CLN8: variants seen among roughly 807,000 people sequenced by gnomAD.
CLN8 encodes CLN8 transmembrane ER and ERGIC protein, also known as protein CLN8.
CLN8 carries 14 observed loss-of-function variants against 15.7 expected under a neutral mutation model. That is an observed-to-expected ratio of 0.89 (90% CI 0.59 to 1.39). CLN8 has a LOEUF of 1.39. Among genes scored for constraint, CLN8 ranks in the 40% most tolerant of loss-of-function variants. The probability of loss-of-function intolerance (pLI) is 0.00; values close to 1 mark genes in which losing one functional copy is unlikely to be tolerated. For synonymous variants in CLN8, 188 were observed against 151.0 expected (o/e 1.25, Z -1.80); for missense variants, 415 against 364.0 (o/e 1.14, Z -1.14).
Position 1,771,457 on chromosome 8 carries a change from C to A in CLN8, c.403C>A (p.Leu135Met). 6.2e-7 allele frequency: 1 copy of A among 1,614,200 alleles called. No homozygotes were observed. The highest frequency in any genetic ancestry group is 8.5e-7 in the Non-Finnish European group (1 of 1,180,034). ...NLIFRTFDLFLVIHHLFAFLG... is the reference protein window; with the variant it reads ...NLIFRTFDLFMVIHHLFAFLG... ...GATCTTCCGGACATTTGACTTGTTT[C>A]TGGTTATCCACCATCTCTTTGCCTT... is the stretch of plus-strand genomic sequence containing the variant. Residue 135 changes from leucine (L) to methionine (M), a missense_variant, in exon 2 of 3, where the codon CTG becomes ATG. Leu to Met is a conservative substitution (Grantham distance 15). Transcript: ENST00000331222.
chr8:1,766,612 C>G (rs530619532), intron 1 of CLN8, among the ~76,000 whole-genome samples: 2 of 151,984 alleles, frequency 1.3e-5, no homozygotes, highest in Admixed American at 6.6e-5. Flanking sequence ...AGGATGGTCT[C>G]GATCTCCTGA....
chr8:1,778,486 T>C (rs928957092), intron 2 of CLN8, among the ~76,000 whole-genome samples: 3 of 152,216 alleles, frequency 2.0e-5, no homozygotes, highest in African/African-American at 4.8e-5. Flanking sequence ...CTTCCTCTGC[T>C]CTTCTTCCTG....
chr8:1,777,432 T>C (rs1255845318), intron 2 of CLN8, among the ~76,000 whole-genome samples: 4 of 152,162 alleles, frequency 2.6e-5, no homozygotes, highest in Admixed American at 2.0e-4. Context: ...GCTAAATTTA[T>C]ATAAAAAAAT....
chr8:1,778,333 A>C (rs1185048646), intron 2 of CLN8, among the ~76,000 whole-genome samples: 1 of 152,250 alleles, frequency 6.6e-6, no homozygotes, highest in Non-Finnish European at 1.5e-5. Context: ...AGTAAGAAAT[A>C]AGTTATAGTA....
At chr8:1,778,615 A>C (rs1801603318) in intron 2 of CLN8, among the ~76,000 whole-genome samples, 1 of 152,166 alleles carries the variant, frequency 6.6e-6, no homozygotes, top group Non-Finnish European at 1.5e-5. Context: ...GGGGTGAACT[A>C]AGTGCTTGGT....
intron 2 of CLN8, among the ~76,000 whole-genome samples, chr8:1,771,901 A>C (rs1023926217): frequency 6.6e-6 from 1 of 150,770 alleles, no homozygotes; most frequent in Non-Finnish European, 1.5e-5. Flanking sequence ...GTCTGGAAGC[A>C]CTTAATTTTT....
intron 1 of CLN8, 186 bp downstream of exon 1, chr8:1,764,071 G>C (rs1037641080): frequency 2.0e-5 from 3 of 152,506 alleles, no homozygotes; most frequent in Admixed American, 2.0e-4. Context: ...CAGGTGAGGG[G>C]CCGGGAACTC....
intron 1 of CLN8, among the ~76,000 whole-genome samples, chr8:1,757,523 C>A (rs570926272): frequency 6.6e-6 from 1 of 152,196 alleles, no homozygotes; most frequent in Non-Finnish European, 1.5e-5. Context: ...TCACTGCAAC[C>A]TCTGCCTCCC....
At chr8:1,758,088 A>C (rs890351793) in intron 1 of CLN8, 1 of 152,108 alleles carries the variant, frequency 6.6e-6, no homozygotes, top group Non-Finnish European at 1.5e-5. Flanking sequence ...CGATATCCCG[A>C]GTGTCCCGCA....
chr8:1,780,214 C>A (rs939459605), intron 2 of CLN8, 36 bp from the exon 3 acceptor site: 3 of 1,614,194 alleles, frequency 1.9e-6, no homozygotes, highest in Non-Finnish European at 1.7e-6. Flanking sequence ...TTGGCAGTTT[C>A]GCATTGACTT....
intron 1 of CLN8, among the ~76,000 whole-genome samples, chr8:1,757,849 G>A (rs1157161936): frequency 3.9e-5 from 6 of 152,038 alleles, no homozygotes; most frequent in African/African-American, 9.7e-5. Context: ...ATTATCTCGG[G>A]GTTATCATTT....
Position 1,771,446 on chromosome 8 carries a change from T to G in CLN8, c.392T>G (p.Phe131Cys), listed in dbSNP as rs1404214432. Residue 131 changes from phenylalanine to cysteine, a missense_variant, in exon 2 of 3, where the codon TTT (phenylalanine) becomes TGT (cysteine). Phe to Cys is a radical substitution (Grantham distance 205, BLOSUM62 -2). Transcript: ENST00000331222. ...VHLSNLIFRT[F>C]DLFLVIHHLF... ...CTGTCCAACTTGATCTTCCGGACAT[T>G]TGACTTGTTTCTGGTTATCCACCAT... The G allele has an allele frequency of 6.2e-7, 1 of 1,614,218 alleles. No homozygotes were observed. Among genetic ancestry groups the G allele is most frequent in the Admixed American group, 1.7e-5 (1 of 60,024 alleles).
upstream of CLN8, among the ~76,000 whole-genome samples, chr8:1,754,861 G>T (rs923962273): frequency 6.6e-6 from 1 of 152,182 alleles, no homozygotes; most frequent in African/African-American, 2.4e-5. Flanking sequence ...GTGCCCTGGG[G>T]TCAAACAGGC....
upstream of CLN8, among the ~76,000 whole-genome samples, chr8:1,754,003 T>G (rs1195641320): frequency 1.3e-5 from 2 of 152,216 alleles, no homozygotes; most frequent in Non-Finnish European, 2.9e-5. Flanking sequence ...GGATAAGCTG[T>G]GAGTCTGCCT....
chr8:1,772,769 C>T (rs1801366206), intron 2 of CLN8, among the ~76,000 whole-genome samples: 2 of 152,176 alleles, frequency 1.3e-5, no homozygotes, highest in South Asian at 2.1e-4. Context: ...CATGAGCCAC[C>T]GTGCACAGCC....
intron 1 of CLN8, among the ~76,000 whole-genome samples, chr8:1,769,294 C>A (rs1470290396): frequency 6.6e-6 from 1 of 152,152 alleles, no homozygotes; most frequent in African/African-American, 2.4e-5. Context: ...TTTTCCATGT[C>A]CTTGGGGTGT....
upstream of CLN8, among the ~76,000 whole-genome samples, chr8:1,755,441 T>C (rs1800647849): frequency 6.6e-6 from 1 of 151,994 alleles, no homozygotes; most frequent in Non-Finnish European, 1.5e-5. Context: ...CACAGACCCC[T>C]CCCCACCTTT....
upstream of CLN8, chr8:1,763,098 A>C (rs1182374755): frequency 6.6e-6 from 1 of 152,166 alleles, no homozygotes; most frequent in Non-Finnish European, 1.5e-5. Flanking sequence ...CGCTCGGTCA[A>C]GACTTGAAGG....
chr8:1,763,040 A>G (rs1326573128), upstream of CLN8: 1 of 152,044 alleles, frequency 6.6e-6, no homozygotes, highest in African/African-American at 2.4e-5. Context: ...AACTGCGGAA[A>G]CTCCTACAGA....
Sources: allele counts gnomAD v4.1 joint callset (sites outside exome capture counted in the v4.1 genomes callset), GRCh38; gene constraint gnomAD v4.1.1; transcripts MANE v1.5; gene names NCBI Gene and HGNC (gene_info 2026-07-23, HGNC 2026-07-21).